The following STAG2 variants were observed in gnomAD, a reference collection of about 807,000 sequenced individuals.
STAG2 encodes the protein cohesin subunit SA-2.
STAG2 carries 14 observed loss-of-function variants against 108.1 expected under a neutral mutation model. The observed-to-expected ratio is 0.13, with a 90% CI of 0.09 to 0.20. The LOEUF is 0.20. Ranked by LOEUF, STAG2 falls within the 10% of genes least tolerant of loss-of-function variation. The pLI, the probability that STAG2 is intolerant of heterozygous loss-of-function variation, is 1.00. For synonymous variants in STAG2, 307 were observed against 302.7 expected (o/e 1.01, Z -0.15); for missense variants, 440 against 940.9 (o/e 0.47, Z 6.96).
intron 1 of STAG2, among the ~76,000 whole-genome samples, chrX:124,015,388 CTTT>C (rs1180758338): frequency 1.1e-5 from 1 of 93,501 alleles, no homozygotes. Context: ...AGAAGAATTT[CTTT>C]TTTTTTTTTT....
At chrX:124,053,164 T>G (rs1254128529) in intron 13 of STAG2, among the ~76,000 whole-genome samples, 1 of 112,250 alleles carries the variant, frequency 8.9e-6, no homozygotes, top group Non-Finnish European at 1.9e-5. Flanking sequence ...TTTTCTGCAT[T>G]TCAGGATAAA....
intron 1 of STAG2, among the ~76,000 whole-genome samples, chrX:123,983,563 C>T (rs2054995379): frequency 9.0e-6 from 1 of 111,350 alleles, no homozygotes; most frequent in African/African-American, 3.3e-5. Flanking sequence ...GTAACTTAGC[C>T]TGCTTCTTGA....
intron 1 of STAG2, among the ~76,000 whole-genome samples, chrX:124,002,792 TTTTC>T (rs370929220): frequency 2.4e-3 from 253 of 106,103 alleles, no homozygotes; most frequent in African/African-American, 4.9e-3. Flanking sequence ...GCTTGGCAAT[TTTTC>T]TTTCTTTCTT....
intron 1 of STAG2, among the ~76,000 whole-genome samples, chrX:123,981,978 C>T (rs1040557701): frequency 1.8e-5 from 2 of 110,997 alleles, no homozygotes; most frequent in African/African-American, 6.6e-5. Context: ...ATATAATCCC[C>T]TGCAGCACCT....
intron 1 of STAG2, among the ~76,000 whole-genome samples, chrX:123,969,957 T>TTG (rs2054280590): frequency 1.0e-5 from 1 of 100,454 alleles, no homozygotes; most frequent in Non-Finnish European, 2.0e-5. Flanking sequence ...TTCCTGTTTT[T>TTG]TTTTTTTTTT....
chrX:123,976,045 G>A (rs551439358), intron 1 of STAG2, among the ~76,000 whole-genome samples: 2 of 112,126 alleles, frequency 1.8e-5, no homozygotes, highest in African/African-American at 6.5e-5. Flanking sequence ...AACACTTTGG[G>A]AGGCAGAGGT....
At chrX:123,966,050 C>A (rs937865277) in intron 1 of STAG2, among the ~76,000 whole-genome samples, 3 of 110,406 alleles carry the variant, frequency 2.7e-5, no homozygotes, top group Admixed American at 9.7e-5. Context: ...TAATGGAGTA[C>A]CGTTTTGGGA....
intron 1 of STAG2, among the ~76,000 whole-genome samples, chrX:123,967,653 A>G (rs1345069897): frequency 1.8e-5 from 2 of 110,409 alleles, no homozygotes; most frequent in Non-Finnish European, 3.8e-5. Context: ...TTGTTGTGTG[A>G]GCATCATACA....
At chrX:124,000,440 C>T (rs181650426) in intron 1 of STAG2, among the ~76,000 whole-genome samples, 225 of 111,078 alleles carry the variant, frequency 2.0e-3, no homozygotes, top group Non-Finnish European at 3.7e-3. Context: ...GAGGCTGAGA[C>T]GGGAGGATCA....
intron 1 of STAG2, among the ~76,000 whole-genome samples, chrX:123,965,108 A>G (rs933370763): frequency 9.0e-6 from 1 of 111,447 alleles, no homozygotes; most frequent in African/African-American, 3.3e-5. Flanking sequence ...TTTCACCCCA[A>G]TCTGGGAACA....
chrX:124,052,964 C>T (rs952416848), intron 13 of STAG2, among the ~76,000 whole-genome samples: 1 of 110,494 alleles, frequency 9.1e-6, no homozygotes, highest in Non-Finnish European at 1.9e-5. Context: ...TTACAGGTGC[C>T]TGCCACCACG....
intron 1 of STAG2, chrX:123,963,549 A>G (rs1177434237): frequency 6.3e-5 from 7 of 110,595 alleles, no homozygotes; most frequent in African/African-American, 2.3e-4. Flanking sequence ...TTTAAGGTAT[A>G]TAAGTGTTCA....
At chrX:124,016,693 G>A (rs926595126) in intron 1 of STAG2, among the ~76,000 whole-genome samples, 1 of 111,225 alleles carries the variant, frequency 9.0e-6, no homozygotes, top group Non-Finnish European at 1.9e-5. Context: ...CTGTCTGGGC[G>A]CAGTGGCTCA....
At chrX:124,070,921 T>TA (rs200834281) in intron 24 of STAG2, among the ~76,000 whole-genome samples, 1,675 of 111,860 alleles carry the variant, frequency 0.015, 34 homozygotes, top group African/African-American at 0.052. Flanking sequence ...TTTGTGAAAT[T>TA]ACTTTGCAGT....
chrX:124,081,427 A>C lies in STAG2; in HGVS notation c.2823A>C (p.Ser941=), dbSNP rs1355305451. 6 of 1,177,505 alleles carry C rather than the reference A, an allele frequency of 5.1e-6. No individual in the cohort carries two copies. The highest frequency in any genetic ancestry group is 5.7e-6 in the Non-Finnish European group (5 of 873,076). ...AAAATGGCTATAATTTTGATAGATC[A>C]TCCTCTACATTTAGTGGCATAAAAG... ...IQENGYNFDR[S]SSTFSGIKEL... The change falls in exon 28 of 35, where the codon TCA becomes TCC. Residue 941 remains serine, a synonymous_variant. Coordinates refer to ENST00000371145, the MANE Select transcript of STAG2 (RefSeq NM_001042750.2).
chrX:123,992,932 G>A (rs950099114), intron 1 of STAG2, among the ~76,000 whole-genome samples: 3 of 111,329 alleles, frequency 2.7e-5, no homozygotes, highest in East Asian at 2.8e-4. Flanking sequence ...ATGGGAATGA[G>A]TACTTTCCAT....
chrX:124,045,823 G>C (rs940612495), intron 8 of STAG2, among the ~76,000 whole-genome samples: 6 of 111,072 alleles, frequency 5.4e-5, no homozygotes, highest in Non-Finnish European at 1.1e-4. Context: ...TATCATCACA[G>C]TCATTTTGGA....
At chrX:123,994,016 C>T (rs4825880) in intron 1 of STAG2, among the ~76,000 whole-genome samples, 6,316 of 110,905 alleles carry the variant, frequency 0.057, 142 homozygotes, top group Middle Eastern at 0.069. Flanking sequence ...ACAGAACACC[C>T]GAGGCTGGGT....
chrX:124,062,858 T>C, intron 17 of STAG2, 44 bp from the exon 18 acceptor site: 3 of 1,050,322 alleles, frequency 2.9e-6, no homozygotes, highest in Non-Finnish European at 4.0e-6. Flanking sequence ...CACTTAACAG[T>C]GCTAATGGGC....
Sources: gnomAD v4.1 joint callset for allele counts (sites outside exome capture counted in the v4.1 genomes callset) on GRCh38, gnomAD v4.1.1 for gene constraint, MANE v1.5 for transcripts, NCBI Gene and HGNC (gene_info 2026-07-23, HGNC 2026-07-21) for gene names.